CTBP2: variants seen among roughly 807,000 people sequenced by gnomAD.
CTBP2 encodes the protein C-terminal binding protein 2.
A neutral mutation model predicts 80.3 loss-of-function variants in CTBP2; 30 were observed. The observed-to-expected ratio is 0.37, with a 90% confidence interval of 0.28 to 0.51. The LOEUF (loss-of-function observed/expected upper bound fraction) is 0.51. CTBP2 is among the 20% of genes least tolerant of loss of function. The pLI is 0.93. For missense variants in CTBP2, 1,212 were observed against 1,375.3 expected (o/e 0.88, Z 1.88); for synonymous variants, 594 against 587.4 (o/e 1.01, Z -0.16).
At chr10:125,133,327 C>T (rs777851388) in intron 1 of CTBP2, among the ~76,000 whole-genome samples, 6 of 152,218 alleles carry the variant, frequency 3.9e-5, no homozygotes, top group Non-Finnish European at 8.8e-5. Context: ...AAGGCAGACC[C>T]AGCCTCCTCC....
chr10:125,156,216 T>C (rs1471052530), intron 1 of CTBP2, among the ~76,000 whole-genome samples: 1 of 152,184 alleles, frequency 6.6e-6, no homozygotes, highest in Non-Finnish European at 1.5e-5. Flanking sequence ...ATGTGCTGTA[T>C]GAATATATAT....
At chr10:125,023,744 A>C (rs1024689969) in intron 1 of CTBP2, among the ~76,000 whole-genome samples, 6 of 152,252 alleles carry the variant, frequency 3.9e-5, no homozygotes, top group Non-Finnish European at 8.8e-5. Flanking sequence ...CACCAAGATA[A>C]GGCAGGTAGT....
chr10:124,998,365 A>G (rs991721529), intron 3 of CTBP2, 195 bp from the exon 6 acceptor site: 35 of 619,812 alleles, frequency 5.6e-5, no homozygotes, highest in African/African-American at 5.2e-4. Flanking sequence ...TCTAGCCCCA[A>G]CATCTACCCC....
chr10:125,155,414 T>A (rs1860743569), intron 1 of CTBP2, among the ~76,000 whole-genome samples: 1 of 151,614 alleles, frequency 6.6e-6, no homozygotes, highest in African/African-American at 2.4e-5. Context: ...TTTTTTTTTT[T>A]ACACAATGTG....
At chr10:125,055,611 G>C (rs1389032537) in intron 2 of CTBP2, among the ~76,000 whole-genome samples, 2 of 152,134 alleles carry the variant, frequency 1.3e-5, no homozygotes, top group Non-Finnish European at 2.9e-5. Context: ...CCAGCCAGAT[G>C]CAAAACACGG....
chr10:124,994,268 C>A (rs115449381), intron 5 of CTBP2, among the ~76,000 whole-genome samples: 1 of 152,206 alleles, frequency 6.6e-6, no homozygotes, highest in African/African-American at 2.4e-5. Context: ...TCCTGGCTAG[C>A]GCCTGTCCTT....
rs756801020 is a variant in CTBP2 at position 125,026,636 on chromosome 10, C to T, written c.1124G>A (p.Arg375Gln). ...CAAGTCACCATGGAGCAGTTCGCTT[C>T]GGTGGCTGAAGCTGCTGGACCGCGC... The change falls in exon 1 of 9, where the codon CGA becomes CAA. Residue 375 changes from arginine to glutamine, a missense_variant. Arg to Gln is a conservative substitution (Grantham distance 43). Coordinates refer to ENST00000309035, the MANE Select transcript of CTBP2 (RefSeq NM_022802.3). 2.9e-5 allele frequency: 46 copies of T among 1,576,866 alleles called. No individual in the cohort carries two copies. Among genetic ancestry groups the T allele is most frequent in the Admixed American group, 5.6e-5 (3 of 53,744 alleles).
At position 124,989,359 on chromosome 10, in the gene CTBP2, A is replaced by C; in HGVS notation, c.*159T>G. On this transcript the variant is annotated 3_prime_UTR_variant, in exon 9 of 9. Transcript: ENST00000309035. The stretch of plus-strand genomic sequence containing the variant: ...GCTTCCGTAAGCAGACGACATCTTC[A>C]GTTTTCTAGCTCTTGTAGTTTCAAC... 1.2e-6 allele frequency: 1 copy of C among 828,866 alleles called. No homozygotes were observed. The allele number at this position is 828,866 out of a possible 1,614,324, so 51.3% of individuals were successfully genotyped here. A position where few individuals can be genotyped will look rare whatever the true frequency, so the allele number is the denominator to read the frequency against.
intron 2 of CTBP2, among the ~76,000 whole-genome samples, chr10:125,052,530 T>C (rs1963024778): frequency 6.6e-6 from 1 of 152,224 alleles, no homozygotes; most frequent in Non-Finnish European, 1.5e-5. Flanking sequence ...CTTTGTGTTG[T>C]CTGTGTTAAC....
intron 1 of CTBP2, among the ~76,000 whole-genome samples, chr10:125,009,292 G>A (rs1373636043): frequency 1.3e-5 from 2 of 152,202 alleles, no homozygotes; most frequent in African/African-American, 4.8e-5. Flanking sequence ...CAGCCCCTGT[G>A]ACCTGCAGGT....
chr10:125,067,280 C>A (rs1225293772), intron 2 of CTBP2, among the ~76,000 whole-genome samples: 1 of 152,152 alleles, frequency 6.6e-6, no homozygotes, highest in Non-Finnish European at 1.5e-5. Flanking sequence ...GAAACTGCCA[C>A]CGCCATGTGG....
At chr10:125,020,277 T>C (rs891268244) in intron 1 of CTBP2, among the ~76,000 whole-genome samples, 4 of 152,008 alleles carry the variant, frequency 2.6e-5, no homozygotes, top group Non-Finnish European at 5.9e-5. Context: ...GTGATGTGGT[T>C]CTCACAGCAC....
chr10:125,021,410 G>C (rs1179081040), intron 1 of CTBP2, among the ~76,000 whole-genome samples: 1 of 152,182 alleles, frequency 6.6e-6, no homozygotes, highest in Non-Finnish European at 1.5e-5. Flanking sequence ...ATGCTCCTGG[G>C]CTGAAATCAT....
intron 2 of CTBP2, among the ~76,000 whole-genome samples, chr10:125,110,658 C>T (rs1852154702): frequency 6.6e-6 from 1 of 152,192 alleles, no homozygotes; most frequent in Non-Finnish European, 1.5e-5. Context: ...TTAATTAATA[C>T]ATCGAGAAAT....
intron 1 of CTBP2, among the ~76,000 whole-genome samples, chr10:125,120,205 A>G (rs753791828): frequency 8.5e-5 from 13 of 152,184 alleles, no homozygotes; most frequent in African/African-American, 1.2e-4. Context: ...GGCTCAGCCA[A>G]AGGAGACTTC....
intron 2 of CTBP2, among the ~76,000 whole-genome samples, chr10:125,059,269 A>C (rs1409936918): frequency 1.3e-5 from 2 of 152,142 alleles, no homozygotes; most frequent in Admixed American, 1.3e-4. Context: ...GGTAAGACAT[A>C]CGCAATTTCA....
intron 1 of CTBP2, among the ~76,000 whole-genome samples, chr10:125,125,485 G>C (rs1021040900): frequency 6.6e-6 from 1 of 152,142 alleles, no homozygotes; most frequent in African/African-American, 2.4e-5. Flanking sequence ...TAGTAAGGAG[G>C]TACTAAGCAT....
intron 4 of CTBP2, 67 bp from the exon 7 acceptor site, chr10:124,994,750 T>G: frequency 6.6e-7 from 1 of 1,509,488 alleles, no homozygotes; most frequent in Admixed American, 1.7e-5. Context: ...CCACCTCCAT[T>G]GCTTCTGAGC....
chr10:124,993,381 C>A, intron 6 of CTBP2, 52 bp from the exon 9 acceptor site: 1 of 1,572,882 alleles, frequency 6.4e-7, no homozygotes, highest in South Asian at 1.1e-5. Context: ...CATACGCTCC[C>A]TGCCCTCCTC....
Sources: allele counts gnomAD v4.1 joint callset (sites outside exome capture counted in the v4.1 genomes callset), GRCh38; gene constraint gnomAD v4.1.1; transcripts MANE v1.5; gene names NCBI Gene and HGNC (gene_info 2026-07-23, HGNC 2026-07-21).